The following RB1 variants were observed in gnomAD, a reference collection of about 807,000 sequenced individuals.
The protein encoded by RB1 is retinoblastoma-associated protein.
Under a neutral mutation model 135.4 loss-of-function variants are expected in RB1, and 18 were observed. The observed-to-expected ratio is 0.13, with a 90% CI of 0.09 to 0.20. The LOEUF (loss-of-function observed/expected upper bound fraction) is 0.20, where lower values mean the gene tolerates loss of function less well. Among genes scored for constraint, RB1 ranks in the 10% least tolerant of loss-of-function variants. The pLI, the probability that RB1 is intolerant of heterozygous loss-of-function variation, is 1.00. For missense variants in RB1, 868 were observed against 1,110.0 expected (o/e 0.78, Z 3.10); for synonymous variants, 365 against 373.2 (o/e 0.98, Z 0.25).
At chr13:48,308,236 G>C (rs1952102184) in intron 2 of RB1, among the ~76,000 whole-genome samples, 1 of 151,530 alleles carries the variant, frequency 6.6e-6, no homozygotes, top group South Asian at 2.1e-4. Context: ...TATAGTCCCA[G>C]CTACTTGGGA....
chr13:48,376,330 A>G (rs1311484558), intron 12 of RB1, among the ~76,000 whole-genome samples: 1 of 152,020 alleles, frequency 6.6e-6, no homozygotes, highest in Non-Finnish European at 1.5e-5. Context: ...GCAAAACCCC[A>G]TCTCTACTAA....
intron 24 of RB1, among the ~76,000 whole-genome samples, chr13:48,473,822 C>T (rs982808578): frequency 5.3e-5 from 8 of 152,092 alleles, no homozygotes; most frequent in Admixed American, 3.9e-4. Context: ...TTCAAGGGCT[C>T]AGTCCCACAA....
chr13:48,348,877 C>A, intron 5 of RB1, 79 bp from the exon 6 acceptor site: 3 of 1,517,112 alleles, frequency 2.0e-6, no homozygotes, highest in Non-Finnish European at 2.7e-6. Flanking sequence ...AAAAGAAACA[C>A]CCAAAAGATA....
chr13:48,414,124 G>A (rs1344683039), intron 17 of RB1, among the ~76,000 whole-genome samples: 1 of 152,132 alleles, frequency 6.6e-6, no homozygotes, highest in Non-Finnish European at 1.5e-5. Context: ...GAGGCAGGTG[G>A]ATCACCTGAG....
chr13:48,413,112 C>G (rs1456721128), intron 17 of RB1: 1 of 167,072 alleles, frequency 6.0e-6, no homozygotes, highest in Admixed American at 6.5e-5. Context: ...GTCGCTTTCT[C>G]TGAAGTGAAA....
intron 17 of RB1, among the ~76,000 whole-genome samples, chr13:48,435,325 AT>A (rs1293732042): frequency 6.6e-6 from 1 of 152,188 alleles, no homozygotes; most frequent in Admixed American, 6.5e-5. Flanking sequence ...AGCTAATGAT[AT>A]TGATTAACCT....
intron 25 of RB1, 141 bp downstream of exon 25, chr13:48,476,984 A>T (rs979422279): frequency 1.8e-6 from 2 of 1,106,032 alleles, no homozygotes; most frequent in African/African-American, 3.1e-5. Flanking sequence ...AAAATAATAG[A>T]TATGAGTGTA....
intron 6 of RB1, among the ~76,000 whole-genome samples, chr13:48,352,602 C>G (rs561390000): frequency 6.6e-6 from 1 of 151,990 alleles, no homozygotes; most frequent in African/African-American, 2.4e-5. Context: ...CCTATGTATT[C>G]TTTTTGTGGC....
At chr13:48,386,510 G>A (rs1333065482) in intron 17 of RB1, among the ~76,000 whole-genome samples, 11 of 152,256 alleles carry the variant, frequency 7.2e-5, no homozygotes, top group African/African-American at 1.2e-4. Flanking sequence ...AACTGAACCC[G>A]TCACTCTTTT....
In RB1 at chr13:48,303,995, C is replaced by G. The variant is rs776175164; in HGVS notation, c.83C>G (p.Pro28Arg). 7.3e-6 allele frequency: 11 copies of G among 1,497,848 alleles called. No individual in the cohort carries two copies. Among genetic ancestry groups the G allele is most frequent in the South Asian group, 5.0e-5 (4 of 80,330 alleles). The allele number at this position is 1,497,848 out of a possible 1,614,324, so 92.8% of individuals were successfully genotyped here. The change falls in exon 1 of 27, where the codon CCT becomes CGT. Residue 28 changes from proline to arginine, a missense_variant. Physicochemically the swap from Pro to Arg is moderately radical, Grantham distance 103. This residue lies in a region of RB1 where 641 missense variants were observed against 791.3 expected (regional missense o/e 0.81). Coordinates refer to ENST00000267163, the MANE Select transcript of RB1 (RefSeq NM_000321.3). ...AEPPAPPPPP[P>R]PEEDPEQDSG... ...CCCCCGGCACCGCCGCCGCCGCCCC[C>G]TCCTGAGGAGGACCCAGAGCAGGAC...
At chr13:48,378,393 G>A (rs1566198171) in intron 13 of RB1, among the ~76,000 whole-genome samples, 1 of 151,740 alleles carries the variant, frequency 6.6e-6, no homozygotes, top group Non-Finnish European at 1.5e-5. Context: ...CAAAAACAAA[G>A]GCAAACACAC....
chr13:48,418,465 T>C (rs1948951480), intron 17 of RB1, among the ~76,000 whole-genome samples: 1 of 152,112 alleles, frequency 6.6e-6, no homozygotes, highest in African/African-American at 2.4e-5. Flanking sequence ...ATGAAGAAAC[T>C]AATGGGCATC....
chr13:48,472,549 G>C (rs1382448326), intron 23 of RB1, among the ~76,000 whole-genome samples: 1 of 151,956 alleles, frequency 6.6e-6, no homozygotes, highest in Non-Finnish European at 1.5e-5. Context: ...TCCATATTAT[G>C]GTGATAATGA....
intron 17 of RB1, among the ~76,000 whole-genome samples, chr13:48,448,065 G>T (rs1458151500): frequency 6.6e-6 from 1 of 152,078 alleles, no homozygotes; most frequent in Admixed American, 6.6e-5. Flanking sequence ...AGAAAAATTG[G>T]TAGTAGGCCA....
chr13:48,408,359 T>C (rs1948758287), intron 17 of RB1, among the ~76,000 whole-genome samples: 1 of 152,118 alleles, frequency 6.6e-6, no homozygotes, highest in Admixed American at 6.5e-5. Flanking sequence ...ATTATTAGGA[T>C]GCTGGAAAGC....
intron 17 of RB1, chr13:48,406,527 G>A (rs1193301550): frequency 2.0e-5 from 3 of 152,058 alleles, no homozygotes; most frequent in Non-Finnish European, 4.4e-5. Flanking sequence ...TGTATCAGAC[G>A]AATCTTTATT....
chr13:48,323,489 T>G lies in RB1; in HGVS notation c.264+16083T>G, dbSNP rs79958156. On this transcript the variant is annotated intron_variant, in intron 2 of 26. Coordinates refer to ENST00000267163, the MANE Select transcript of RB1 (RefSeq NM_000321.3). ...TTTTTTTTCTGGTTTCATTGATTTT[T>G]CTTTATTTCTCTATTCTCTAAAAAA... Among the ~76,000 whole-genome samples the G allele has an allele frequency of 1.7e-4, 26 of 152,068 alleles. No individual in the cohort carries two copies. The East Asian group carries it at 5.0e-3, about 29-fold the overall frequency.
intron 4 of RB1, among the ~76,000 whole-genome samples, chr13:48,347,467 G>C (rs1952508340): frequency 1.3e-5 from 2 of 152,114 alleles, no homozygotes; most frequent in South Asian, 4.1e-4. Flanking sequence ...AGTTGGATTT[G>C]GCCTCAAAAG....
At chr13:48,310,475 C>G (rs1487893307) in intron 2 of RB1, among the ~76,000 whole-genome samples, 1 of 152,088 alleles carries the variant, frequency 6.6e-6, no homozygotes, top group Admixed American at 6.5e-5. Context: ...CCTTAGTTTT[C>G]TTACCTGTAA....
Sources: gnomAD v4.1 joint callset for allele counts (sites outside exome capture counted in the v4.1 genomes callset) on GRCh38, gnomAD v4.1.1 for gene constraint, gnomAD v4.1.1 regional missense constraint, MANE v1.5 for transcripts, NCBI Gene and HGNC (gene_info 2026-07-23, HGNC 2026-07-21) for gene names.